DCP2: variants seen among roughly 807,000 people sequenced by gnomAD.
DCP2 encodes decapping mRNA 2, also known as m7GpppN-mRNA hydrolase.
DCP2 carries 30 observed loss-of-function variants against 56.1 expected under a neutral mutation model. The ratio of observed to expected loss-of-function variants is 0.53; its 90% confidence interval spans 0.40 to 0.73. The LOEUF (loss-of-function observed/expected upper bound fraction) is 0.73, where lower values mean the gene tolerates loss of function less well. DCP2 is among the 30% of genes least tolerant of loss of function. The pLI, the probability that DCP2 is intolerant of heterozygous loss-of-function variation, is 0.00. For missense variants in DCP2, 533 were observed against 502.7 expected (o/e 1.06, Z -0.58); for synonymous variants, 197 against 163.3 (o/e 1.21, Z -1.57).
intron 2 of DCP2, among the ~76,000 whole-genome samples, chr5:112,991,825 A>G (rs915164583): frequency 6.6e-6 from 1 of 152,228 alleles, no homozygotes; most frequent in Non-Finnish European, 1.5e-5. Flanking sequence ...TTAGGGATCC[A>G]GGACTGTGAG....
intron 1 of DCP2, chr5:112,984,769 A>ATCATAGCC (rs1449106985): frequency 7.0e-6 from 1 of 142,168 alleles, no homozygotes; most frequent in Admixed American, 7.2e-5. Context: ...TAGTGACATG[A>ATCATAGCC]TCATAGCCCA....
At chr5:113,009,119 A>G (rs1328690440) in intron 9 of DCP2, among the ~76,000 whole-genome samples, 3 of 152,212 alleles carry the variant, frequency 2.0e-5, no homozygotes, top group Non-Finnish European at 2.9e-5. Flanking sequence ...TGCTGGGATT[A>G]CAGGCGTGAG....
intron 1 of DCP2, among the ~76,000 whole-genome samples, chr5:112,977,857 T>G (rs1383708150): frequency 1.3e-5 from 2 of 152,196 alleles, no homozygotes; most frequent in African/African-American, 4.8e-5. Context: ...TCACAGTTAC[T>G]GTGTTTATGT....
At chr5:113,002,558 G>C (rs533818073) in intron 7 of DCP2, among the ~76,000 whole-genome samples, 127 of 152,146 alleles carry the variant, frequency 8.3e-4, no homozygotes, top group African/African-American at 2.8e-3. Context: ...GTCTCTCTCT[G>C]TTGCCCAGGC....
chr5:113,001,530 G>C (rs778646654), intron 6 of DCP2, 37 bp from the exon 7 acceptor site: 1 of 1,609,444 alleles, frequency 6.2e-7, no homozygotes, highest in African/African-American at 1.3e-5. Flanking sequence ...TCTGTCTGTA[G>C]CCATATTTTG....
chr5:113,000,292 A>G (rs1395603187), intron 4 of DCP2, among the ~76,000 whole-genome samples: 1 of 151,658 alleles, frequency 6.6e-6, no homozygotes, highest in African/African-American at 2.4e-5. Context: ...GGTCTCGAAC[A>G]CCTGGGCTCA....
intron 4 of DCP2, among the ~76,000 whole-genome samples, chr5:112,998,299 CT>C (rs1455023208): frequency 6.6e-6 from 1 of 152,088 alleles, no homozygotes; most frequent in South Asian, 2.1e-4. Flanking sequence ...AACAGAAGGC[CT>C]TTTTTCTTCT....
At chr5:112,987,793 C>CTT (rs796648691) in intron 2 of DCP2, among the ~76,000 whole-genome samples, 2 of 148,702 alleles carry the variant, frequency 1.3e-5, no homozygotes, top group African/African-American at 4.9e-5. Context: ...TTCCATAGGT[C>CTT]TTTTTTTTTT....
At chr5:112,978,632 A>G (rs1451868048) in intron 1 of DCP2, among the ~76,000 whole-genome samples, 2 of 152,054 alleles carry the variant, frequency 1.3e-5, no homozygotes, top group Non-Finnish European at 2.9e-5. Context: ...TTTTTGAAGT[A>G]TGGTAGATTC....
chr5:113,013,247 C>A, intron 10 of DCP2, 74 bp from the exon 11 acceptor site: 1 of 1,469,248 alleles, frequency 6.8e-7, no homozygotes, highest in Middle Eastern at 1.8e-4. Flanking sequence ...TGTTTTGTAA[C>A]AAAAGGCAAA....
intron 1 of DCP2, among the ~76,000 whole-genome samples, chr5:112,981,715 T>G (rs1194007838): frequency 1.3e-5 from 2 of 152,208 alleles, no homozygotes; most frequent in African/African-American, 4.8e-5. Context: ...CATTTAGTTT[T>G]TTCTTTGGGG....
intron 10 of DCP2, 93 bp downstream of exon 10, chr5:113,010,900 ATAG>A: frequency 7.6e-7 from 1 of 1,315,354 alleles, no homozygotes; most frequent in Admixed American, 2.4e-5. Context: ...GTGATCTGTG[ATAG>A]TTAAGCAGGA....
chr5:113,016,355 A>C lies in DCP2; in HGVS notation c.*2871A>C, dbSNP rs760122469. Reference sequence around the variant, plus strand: ...TTTGATTAAAGATGTTGGAAAATGAAGTTGGATTTTTGTATTCATGTATAA... The same window carrying C: ...TTTGATTAAAGATGTTGGAAAATGACGTTGGATTTTTGTATTCATGTATAA... On this transcript the variant is annotated 3_prime_UTR_variant, in exon 11 of 11. Transcript: ENST00000389063. The C allele has an allele frequency of 2.0e-5, 3 of 152,540 alleles. No individual in the cohort carries two copies. The highest frequency in any genetic ancestry group is 4.8e-5 in the African/African-American group (2 of 41,450). 9.4% of individuals were successfully genotyped at this position (152,540 alleles called of 1,614,324 possible). A position where few individuals can be genotyped will look rare whatever the true frequency, so the allele number is the denominator to read the frequency against.
chr5:112,997,614 T>TTTTTC (rs1748925607), intron 4 of DCP2, among the ~76,000 whole-genome samples: 1 of 139,826 alleles, frequency 7.2e-6, no homozygotes, highest in Non-Finnish European at 1.6e-5. Context: ...TTTCTTTTTC[T>TTTTTC]TTTTTTTTTT....
intron 4 of DCP2, among the ~76,000 whole-genome samples, chr5:112,996,685 C>A (rs552667667): frequency 7.9e-5 from 12 of 152,160 alleles, no homozygotes; most frequent in Non-Finnish European, 1.0e-4. Context: ...CAATAGAGAG[C>A]TAAGAACAGA....
chr5:113,003,104 G>C (rs1022710669), intron 7 of DCP2, among the ~76,000 whole-genome samples: 15 of 152,082 alleles, frequency 9.9e-5, no homozygotes, highest in Non-Finnish European at 8.8e-5. Flanking sequence ...GAGGACAGGA[G>C]CTTGGACTAA....
At chr5:112,993,463 A>G (rs1223865071) in intron 4 of DCP2, among the ~76,000 whole-genome samples, 1 of 151,954 alleles carries the variant, frequency 6.6e-6, no homozygotes, top group Non-Finnish European at 1.5e-5. Context: ...CGTCTCTGCT[A>G]AAAATACAAA....
chr5:113,004,776 T>C (rs768636938), intron 8 of DCP2, among the ~76,000 whole-genome samples: 24 of 152,150 alleles, frequency 1.6e-4, no homozygotes, highest in Non-Finnish European at 7.3e-5. Flanking sequence ...TAATACTTGA[T>C]GTTATTTTTT....
intron 1 of DCP2, among the ~76,000 whole-genome samples, chr5:112,983,614 A>C (rs1172996170): frequency 6.6e-6 from 1 of 152,176 alleles, no homozygotes; most frequent in African/African-American, 2.4e-5. Flanking sequence ...CTATGGAATG[A>C]CAGTGTAGTG....
Sources: allele counts gnomAD v4.1 joint callset (sites outside exome capture counted in the v4.1 genomes callset), GRCh38; gene constraint gnomAD v4.1.1; transcripts MANE v1.5; gene names NCBI Gene and HGNC (gene_info 2026-07-23, HGNC 2026-07-21).